The following ADAMTS12 variants were observed in gnomAD, a reference collection of about 807,000 sequenced individuals.
The protein encoded by ADAMTS12 is A disintegrin and metalloproteinase with thrombospondin motifs 12.
In ADAMTS12, 118 loss-of-function variants were observed where a neutral mutation model predicts 167.8. That is an observed-to-expected ratio of 0.70 (90% confidence interval 0.61 to 0.82). The LOEUF is 0.82. ADAMTS12 is among the 40% of genes least tolerant of loss of function. The pLI, the probability that ADAMTS12 is intolerant of heterozygous loss-of-function variation, is 0.00. For missense variants in ADAMTS12, 1,916 were observed against 1,998.8 expected (o/e 0.96, Z 0.79); for synonymous variants, 704 against 716.9 (o/e 0.98, Z 0.29).
At chr5:33,721,377 T>A (rs1384606552) in intron 3 of ADAMTS12, among the ~76,000 whole-genome samples, 2 of 152,146 alleles carry the variant, frequency 1.3e-5, no homozygotes, top group South Asian at 4.1e-4. Flanking sequence ...GAAGTACACA[T>A]GAGAAAACCC....
intron 3 of ADAMTS12, among the ~76,000 whole-genome samples, chr5:33,731,397 C>T (rs1380189426): frequency 1.3e-5 from 2 of 152,134 alleles, no homozygotes; most frequent in Admixed American, 6.5e-5. Flanking sequence ...AGACGACAGC[C>T]ATGTACACAG....
At chr5:33,881,813 A>T (rs188026093) in intron 1 of ADAMTS12, among the ~76,000 whole-genome samples, 1 of 148,566 alleles carries the variant, frequency 6.7e-6, no homozygotes, top group Non-Finnish European at 1.5e-5. Context: ...ACCTCAGGTG[A>T]TCCGCCTGCC....
At chr5:33,693,760 G>T (rs941186351) in intron 3 of ADAMTS12, among the ~76,000 whole-genome samples, 1 of 152,122 alleles carries the variant, frequency 6.6e-6, no homozygotes, top group African/African-American at 2.4e-5. Context: ...ACCAGAAGAA[G>T]ATAAGGACGC....
intron 12 of ADAMTS12, among the ~76,000 whole-genome samples, chr5:33,631,849 C>T (rs1734928054): frequency 6.6e-6 from 1 of 152,076 alleles, no homozygotes; most frequent in African/African-American, 2.4e-5. Flanking sequence ...TTATTATGGG[C>T]AGGGCTGTTA....
At chr5:33,577,557 T>G (rs1293190923) in intron 18 of ADAMTS12, among the ~76,000 whole-genome samples, 2 of 152,218 alleles carry the variant, frequency 1.3e-5, no homozygotes, top group Non-Finnish European at 2.9e-5. Context: ...GTATAATGTG[T>G]GCATATTCTC....
chr5:33,827,599 C>A (rs1183458944), intron 2 of ADAMTS12, among the ~76,000 whole-genome samples: 1 of 151,996 alleles, frequency 6.6e-6, no homozygotes, highest in East Asian at 1.9e-4. Flanking sequence ...TTTATCCCCA[C>A]TTCCCTGTCT....
chr5:33,565,731 T>C (rs1022746807), intron 19 of ADAMTS12, among the ~76,000 whole-genome samples: 1 of 150,656 alleles, frequency 6.6e-6, no homozygotes, highest in Non-Finnish European at 1.5e-5. Flanking sequence ...TTTATTTCTG[T>C]CAAAGTCAAA....
At chr5:33,553,681 T>C (rs973035966) in intron 20 of ADAMTS12, among the ~76,000 whole-genome samples, 2 of 151,968 alleles carry the variant, frequency 1.3e-5, no homozygotes, top group Non-Finnish European at 2.9e-5. Flanking sequence ...CATGGACACA[T>C]GGAGGGGAAC....
chr5:33,588,147 A>G (rs1747448800), intron 18 of ADAMTS12, among the ~76,000 whole-genome samples: 1 of 152,222 alleles, frequency 6.6e-6, no homozygotes. Flanking sequence ...GACTTGACAC[A>G]TGGTGAATAG....
chr5:33,624,463 C>A (rs1739484115), intron 13 of ADAMTS12, 112 bp from the exon 14 acceptor site: 1 of 1,453,666 alleles, frequency 6.9e-7, no homozygotes, highest in South Asian at 1.4e-5. Flanking sequence ...GCAGGAGGTA[C>A]CAGGTACAAG....
intron 3 of ADAMTS12, among the ~76,000 whole-genome samples, chr5:33,690,282 A>AT (rs1318014583): frequency 6.6e-6 from 1 of 152,198 alleles, no homozygotes; most frequent in Non-Finnish European, 1.5e-5. Flanking sequence ...AACAAAAAAT[A>AT]TTTTTTTACA....
chr5:33,655,879 C>A (rs1159038152), intron 7 of ADAMTS12, among the ~76,000 whole-genome samples: 2 of 151,938 alleles, frequency 1.3e-5, no homozygotes, highest in African/African-American at 2.4e-5. Context: ...CACTGTTCAA[C>A]TCCCACTTAT....
intron 20 of ADAMTS12, among the ~76,000 whole-genome samples, chr5:33,557,447 A>G (rs2111870653): frequency 6.6e-6 from 1 of 152,272 alleles, no homozygotes; most frequent in African/African-American, 2.4e-5. Context: ...CGAAGCTCAG[A>G]GGGAAGGCCT....
chr5:33,765,923 A>G (rs1200601836), intron 2 of ADAMTS12, among the ~76,000 whole-genome samples: 1 of 152,218 alleles, frequency 6.6e-6, no homozygotes. Flanking sequence ...TCCTTGATTT[A>G]AATTTAGATA....
At chr5:33,546,855 T>C (rs1745008169) in intron 21 of ADAMTS12, among the ~76,000 whole-genome samples, 1 of 152,244 alleles carries the variant, frequency 6.6e-6, no homozygotes, top group South Asian at 2.1e-4. Context: ...GAAAAGTTCC[T>C]AGAGTATTTG....
chr5:33,690,124 C>CA (rs1005335017), intron 3 of ADAMTS12, among the ~76,000 whole-genome samples: 4 of 152,204 alleles, frequency 2.6e-5, no homozygotes, highest in Admixed American at 2.6e-4. Flanking sequence ...CCAGCAGAGT[C>CA]AAACACCAGT....
At chr5:33,561,354 T>C (rs530354806) in intron 19 of ADAMTS12, among the ~76,000 whole-genome samples, 175 bp from the exon 20 acceptor site, 1 of 152,380 alleles carries the variant, frequency 6.6e-6, no homozygotes, top group South Asian at 2.1e-4. Flanking sequence ...CTGAATCTCT[T>C]GGGGTAGGAC....
intron 2 of ADAMTS12, among the ~76,000 whole-genome samples, chr5:33,755,715 C>T (rs1159646816): frequency 6.6e-6 from 1 of 152,204 alleles, no homozygotes; most frequent in African/African-American, 2.4e-5. Context: ...GTGTAAAAGA[C>T]ACATGAAGGC....
At chr5:33,632,188 C>CTAAA (rs774847961) in intron 12 of ADAMTS12, among the ~76,000 whole-genome samples, 16 of 152,028 alleles carry the variant, frequency 1.1e-4, no homozygotes, top group Admixed American at 2.0e-4. Context: ...TAATTGAGAG[C>CTAAA]TAAACATTGG....
Sources: gnomAD v4.1 joint callset for allele counts (sites outside exome capture counted in the v4.1 genomes callset) on GRCh38, gnomAD v4.1.1 for gene constraint, MANE v1.5 for transcripts, NCBI Gene and HGNC (gene_info 2026-07-23, HGNC 2026-07-21) for gene names.